KCNH8: variants seen among roughly 807,000 people sequenced by gnomAD.
KCNH8 encodes the protein potassium voltage-gated channel subfamily H member 8, also known as voltage-gated delayed rectifier potassium channel KCNH8.
A neutral mutation model predicts 103.6 loss-of-function variants in KCNH8; 70 were observed. The ratio of observed to expected loss-of-function variants is 0.68; its 90% CI spans 0.56 to 0.82. The LOEUF is 0.82. Among genes scored for constraint, KCNH8 ranks in the 40% least tolerant of loss-of-function variants. The pLI is 0.00. For synonymous variants in KCNH8, 498 were observed against 489.4 expected, an observed-to-expected ratio of 1.02 and a Z score of -0.23; for missense variants, 1,217 against 1,329.9, an observed-to-expected ratio of 0.92 and a Z score of 1.32.
intron 7 of KCNH8, among the ~76,000 whole-genome samples, chr3:19,433,631 A>G (rs2067154794): frequency 1.3e-5 from 2 of 152,216 alleles, no homozygotes; most frequent in African/African-American, 2.4e-5. Flanking sequence ...AGTCTTTACT[A>G]TTTTATGATT....
intron 1 of KCNH8, among the ~76,000 whole-genome samples, chr3:19,171,536 T>G (rs1427506906): frequency 6.6e-6 from 1 of 151,174 alleles, no homozygotes; most frequent in Non-Finnish European, 1.5e-5. Context: ...TCTCTTCAAG[T>G]CTTCAATTTT....
chr3:19,429,443 G>A (rs2067085688), intron 7 of KCNH8, among the ~76,000 whole-genome samples: 1 of 151,904 alleles, frequency 6.6e-6, no homozygotes, highest in Non-Finnish European at 1.5e-5. Context: ...CAAAGTGCTG[G>A]GATTACAGGC....
intron 1 of KCNH8, among the ~76,000 whole-genome samples, chr3:19,151,070 C>T (rs543301346): frequency 1.1e-4 from 16 of 151,434 alleles, no homozygotes; most frequent in African/African-American, 3.9e-4. Context: ...ACTTAAAATA[C>T]CTTAAACAAA....
In KCNH8 at chr3:19,170,806, A is replaced by ATTTTT. The variant is rs1473525004; in HGVS notation, c.76+22012_76+22013insTTTTT. Among the ~76,000 whole-genome samples, 30 of 103,398 alleles carry ATTTTT rather than the reference A, an allele frequency of 2.9e-4. 1 individual carries two copies. The highest frequency in any genetic ancestry group is 1.3e-3 in the African/African-American group (26 of 20,624). The allele number at this position is 103,398 out of a possible 152,430, so 67.8% of individuals were successfully genotyped here. A position where few individuals can be genotyped will look rare whatever the true frequency, so the allele number is the denominator to read the frequency against. On this transcript the variant is annotated intron_variant, in intron 1 of 15. Transcript: ENST00000328405. Reference sequence around the variant, plus strand: ...CACACACACATATATATATATATATATATATTTTTTTTTTTTTTTTTGAGA... The same window carrying ATTTTT: ...CACACACACATATATATATATATATATTTTTTATATTTTTTTTTTTTTTTTTGAGA...
At chr3:19,264,050 C>T (rs2064472250) in intron 2 of KCNH8, among the ~76,000 whole-genome samples, 1 of 151,904 alleles carries the variant, frequency 6.6e-6, no homozygotes, top group Non-Finnish European at 1.5e-5. Context: ...CTTTGCATGC[C>T]CTCAAATAGA....
At chr3:19,276,433 A>G (rs563805952) in intron 2 of KCNH8, among the ~76,000 whole-genome samples, 1 of 152,224 alleles carries the variant, frequency 6.6e-6, no homozygotes, top group Admixed American at 6.5e-5. Context: ...TAAAGATGTT[A>G]TGTATTTATC....
chr3:19,176,680 C>A (rs1002265412), intron 1 of KCNH8, among the ~76,000 whole-genome samples: 3 of 152,008 alleles, frequency 2.0e-5, no homozygotes, highest in Non-Finnish European at 4.4e-5. Flanking sequence ...TCTGACATTA[C>A]CTATCTTTTG....
intron 11 of KCNH8, among the ~76,000 whole-genome samples, chr3:19,495,210 T>G (rs2125227518): frequency 6.6e-6 from 1 of 152,332 alleles, no homozygotes; most frequent in African/African-American, 2.4e-5. Flanking sequence ...TTAGTTCCCA[T>G]TTGTCAATTT....
At chr3:19,209,596 A>G (rs2063749836) in intron 1 of KCNH8, among the ~76,000 whole-genome samples, 1 of 152,042 alleles carries the variant, frequency 6.6e-6, no homozygotes, top group African/African-American at 2.4e-5. Context: ...ATTATCCAAG[A>G]TATTTGAACT....
At chr3:19,342,759 G>T (rs776531346) in intron 4 of KCNH8, 45 bp downstream of exon 4, 1 of 1,537,182 alleles carries the variant, frequency 6.5e-7, no homozygotes, top group South Asian at 1.2e-5. Flanking sequence ...GTTTCCCCTG[G>T]TGGCAATGTT....
At chr3:19,163,759 CTCT>C (rs1181281957) in intron 1 of KCNH8, among the ~76,000 whole-genome samples, 1 of 152,150 alleles carries the variant, frequency 6.6e-6, no homozygotes, top group African/African-American at 2.4e-5. Context: ...CCTCCTCTTC[CTCT>C]TCTTCCTCAG....
At position 19,259,917 on chromosome 3, in the gene KCNH8, T is replaced by G. The variant is rs189260303; in HGVS notation, c.310+6030T>G. 2.0e-5 allele frequency among the ~76,000 whole-genome samples: 3 copies of G among 151,848 alleles called. No individual in the cohort carries two copies. In the East Asian group the frequency reaches 5.8e-4, roughly 30 times the overall value. ...AAGCTGGATATGTATGAAGCAAATC[T>G]CAAACTGACCTAAGCTGTTGAATAA... On this transcript the variant is annotated intron_variant, in intron 2 of 15. Coordinates refer to ENST00000328405, the MANE Select transcript of KCNH8 (RefSeq NM_144633.3).
intron 1 of KCNH8, among the ~76,000 whole-genome samples, chr3:19,237,887 C>T (rs1046248222): frequency 2.6e-5 from 4 of 152,140 alleles, no homozygotes; most frequent in Admixed American, 6.6e-5. Flanking sequence ...ATTAAAGGTC[C>T]ATTTTGAAAC....
chr3:19,220,010 T>TATTA (rs2125230746), intron 1 of KCNH8, among the ~76,000 whole-genome samples: 1 of 152,326 alleles, frequency 6.6e-6, no homozygotes, highest in Admixed American at 6.5e-5. Flanking sequence ...TCTACTTGCC[T>TATTA]TAATAATCAC....
intron 3 of KCNH8, among the ~76,000 whole-genome samples, chr3:19,302,875 T>C (rs1045578957): frequency 6.6e-6 from 1 of 152,214 alleles, no homozygotes. Flanking sequence ...CTCCATTTTA[T>C]ATATTCTACC....
At chr3:19,351,264 G>A (rs1190599141) in intron 5 of KCNH8, among the ~76,000 whole-genome samples, 1 of 152,152 alleles carries the variant, frequency 6.6e-6, no homozygotes. Flanking sequence ...TCTGATTGGT[G>A]TACCTCAAAG....
chr3:19,335,498 T>G (rs1255332316), intron 3 of KCNH8, among the ~76,000 whole-genome samples: 1 of 149,078 alleles, frequency 6.7e-6, no homozygotes, highest in Non-Finnish European at 1.5e-5. Context: ...TATATATATA[T>G]ATATATATAT....
At chr3:19,451,700 CCT>C (rs2067450603) in intron 10 of KCNH8, among the ~76,000 whole-genome samples, 1 of 152,076 alleles carries the variant, frequency 6.6e-6, no homozygotes, top group Non-Finnish European at 1.5e-5. Flanking sequence ...ATTTTTTATT[CCT>C]AAAGCCAAAT....
Position 19,253,653 on chromosome 3 carries a change from G to C in KCNH8, c.77-1G>C. The C allele has an allele frequency of 1.2e-6, 2 of 1,606,854 alleles. No homozygotes were observed. The highest frequency in any genetic ancestry group is 2.2e-5 in the South Asian group (2 of 90,818). Reference sequence around the variant, plus strand: ...AGTATCTTCTCCTTGTTTTTCTATAGATAGCAACTTCATCCTTGCCAATGC... The same window carrying C: ...AGTATCTTCTCCTTGTTTTTCTATACATAGCAACTTCATCCTTGCCAATGC... On this transcript the variant is annotated splice_acceptor_variant, in intron 1 of 15. Transcript: ENST00000328405. LOFTEE classifies it high-confidence loss of function.
Sources: gnomAD v4.1 joint callset for allele counts (sites outside exome capture counted in the v4.1 genomes callset) on GRCh38, gnomAD v4.1.1 for gene constraint, MANE v1.5 for transcripts, NCBI Gene and HGNC (gene_info 2026-07-23, HGNC 2026-07-21) for gene names.